Variants in SEMA3E observed in about 807,000 individuals in gnomAD.
SEMA3E encodes the protein semaphorin-3E.
In SEMA3E, 49 loss-of-function variants were observed where a neutral mutation model predicts 93.6. The ratio of observed to expected loss-of-function variants is 0.52; its 90% confidence interval spans 0.42 to 0.66. SEMA3E has a LOEUF of 0.66. SEMA3E is among the 30% of genes least tolerant of loss of function. SEMA3E has a pLI of 0.00. For missense variants in SEMA3E, 906 were observed against 964.8 expected, an observed-to-expected ratio of 0.94 and a Z score of 0.81; for synonymous variants, 363 against 330.7, an observed-to-expected ratio of 1.10 and a Z score of -1.06.
intron 1 of SEMA3E, among the ~76,000 whole-genome samples, chr7:83,581,401 G>A (rs556028952): frequency 6.6e-6 from 1 of 152,094 alleles, no homozygotes; most frequent in East Asian, 1.9e-4. Context: ...GCAAGAACAA[G>A]GAAGTGAACT....
chr7:83,515,434 A>G (rs1051272925), intron 1 of SEMA3E, among the ~76,000 whole-genome samples: 22 of 152,142 alleles, frequency 1.4e-4, no homozygotes, highest in African/African-American at 5.3e-4. Context: ...GCAGAAAATG[A>G]TACTGATTTT....
chr7:83,586,223 A>G (rs1792623837), intron 1 of SEMA3E, among the ~76,000 whole-genome samples: 3 of 152,192 alleles, frequency 2.0e-5, no homozygotes, highest in Non-Finnish European at 4.4e-5. Context: ...CTCAAATTGT[A>G]TATATTACAG....
chr7:83,608,447 T>C (rs1793173378), intron 1 of SEMA3E, among the ~76,000 whole-genome samples: 1 of 152,118 alleles, frequency 6.6e-6, no homozygotes, highest in African/African-American at 2.4e-5. Flanking sequence ...ACTACTTTTC[T>C]TTTTTTCATG....
At position 83,648,945 on chromosome 7, in the gene SEMA3E, AG is replaced by A; in HGVS notation, c.-404del. 5.0e-6 allele frequency: 1 copy of A among 199,040 alleles called. No individual in the cohort carries two copies. The highest frequency in any genetic ancestry group is 1.0e-5 in the Non-Finnish European group (1 of 96,156). The allele number at this position is 199,040 out of a possible 1,614,324, so 12.3% of individuals were successfully genotyped here. On this transcript the variant is annotated 5_prime_UTR_variant, in exon 1 of 17. Coordinates refer to ENST00000643230, the MANE Select transcript of SEMA3E (RefSeq NM_012431.3). ...GCACACGCACTCCCTTCTCCCGTGG[AG>A]GTCCTCTCTTCGGGCTCCTGGAAGC...
At chr7:83,560,206 T>C (rs1398081105) in intron 1 of SEMA3E, among the ~76,000 whole-genome samples, 1 of 152,120 alleles carries the variant, frequency 6.6e-6, no homozygotes, top group East Asian at 1.9e-4. Flanking sequence ...AACCCTAATG[T>C]AAACTATGAA....
chr7:83,554,890 T>C (rs977138756), intron 1 of SEMA3E, among the ~76,000 whole-genome samples: 9 of 152,000 alleles, frequency 5.9e-5, no homozygotes, highest in African/African-American at 2.2e-4. Context: ...GGCAGGAGAA[T>C]GGCGTGAACC....
At chr7:83,426,113 A>G (rs1272861372) in intron 4 of SEMA3E, among the ~76,000 whole-genome samples, 1 of 152,182 alleles carries the variant, frequency 6.6e-6, no homozygotes, top group Non-Finnish European at 1.5e-5. Flanking sequence ...GAACACATAC[A>G]CTGCCAGTGG....
chr7:83,417,002 C>CAA (rs1788557206), intron 5 of SEMA3E, among the ~76,000 whole-genome samples: 1 of 66,170 alleles, frequency 1.5e-5, no homozygotes, highest in Non-Finnish European at 4.5e-5. Flanking sequence ...CACACACACA[C>CAA]ACACACACAC....
At chr7:83,526,100 C>G (rs1001617308) in intron 1 of SEMA3E, among the ~76,000 whole-genome samples, 3 of 152,172 alleles carry the variant, frequency 2.0e-5, no homozygotes, top group Non-Finnish European at 2.9e-5. Flanking sequence ...CTCAATAGAA[C>G]TGGCATGAAT....
At chr7:83,443,228 G>A (rs995954925) in intron 4 of SEMA3E, among the ~76,000 whole-genome samples, 1 of 152,188 alleles carries the variant, frequency 6.6e-6, no homozygotes, top group African/African-American at 2.4e-5. Flanking sequence ...GTATTGGATT[G>A]AAGAAGGGAC....
chr7:83,639,830 A>G lies in SEMA3E; in HGVS notation c.115+8598T>C, dbSNP rs190537807. Among the ~76,000 whole-genome samples, 25 of 152,050 alleles carry G rather than the reference A, an allele frequency of 1.6e-4. No individual in the cohort carries two copies. In the East Asian group the frequency reaches 3.5e-3, roughly 21 times the overall value. On this transcript the variant is annotated intron_variant, in intron 1 of 16. Transcript: ENST00000643230. ...GTCTATACCCTTTCCACTACAGCAT[A>G]CTATCTCCTAATACAAGTTTCAGAA...
intron 13 of SEMA3E, 115 bp from the exon 14 acceptor site, chr7:83,392,836 A>G: frequency 1.0e-6 from 1 of 971,238 alleles, no homozygotes; most frequent in South Asian, 1.4e-5. Context: ...CTTAAATTTA[A>G]TTCACTTAAA....
In SEMA3E at chr7:83,367,947, G is replaced by T; in HGVS notation, c.1967C>A (p.Thr656Lys). 6.2e-7 allele frequency: 1 copy of T among 1,613,216 alleles called. No homozygotes were observed. The highest frequency in any genetic ancestry group is 8.5e-7 in the Non-Finnish European group (1 of 1,179,674). ...CGTATGGACAAAGCTATGCTCTACT[G>T]TCTGGCAAAAATAGGTCCCAGCATC... is the stretch of plus-strand genomic sequence containing the variant. Reference protein sequence around the residue: ...KSDAGTYFCQTVEHSFVHTVR... With the variant: ...KSDAGTYFCQKVEHSFVHTVR... Residue 656 changes from threonine to lysine, a missense_variant, in exon 17 of 17, where the codon ACA (threonine) becomes AAA (lysine). Transcript: ENST00000643230.
chr7:83,531,948 A>G (rs561312337), intron 1 of SEMA3E, among the ~76,000 whole-genome samples: 50 of 152,286 alleles, frequency 3.3e-4, no homozygotes, highest in Admixed American at 2.0e-3. Context: ...ACTATTCCAT[A>G]TGGGAATCAT....
At chr7:83,443,844 T>G (rs551624607) in intron 4 of SEMA3E, among the ~76,000 whole-genome samples, 19 of 151,828 alleles carry the variant, frequency 1.3e-4, no homozygotes, top group Middle Eastern at 3.4e-3. Context: ...CAACAACTAT[T>G]TAAGGGTCTA....
chr7:83,538,707 ATTG>A (rs763046449), intron 1 of SEMA3E, among the ~76,000 whole-genome samples: 18 of 152,340 alleles, frequency 1.2e-4, no homozygotes, highest in Non-Finnish European at 1.8e-4. Context: ...ATTATGTTAT[ATTG>A]TTGTTGTTTG....
Position 83,406,155 on chromosome 7 carries a change from CTTT to C in SEMA3E, c.814-99_814-97del, listed in dbSNP as rs925208704. 1.1e-5 allele frequency: 10 copies of C among 886,846 alleles called. No individual in the cohort carries two copies. The African/African-American group carries it at 1.5e-4, about 13-fold the overall frequency. 54.9% of individuals were successfully genotyped at this position (886,846 alleles called of 1,614,324 possible). A position where few individuals can be genotyped will look rare whatever the true frequency, so the allele number is the denominator to read the frequency against. ...AACATGCAGTTGCCAAGAGTTATGA[CTTT>C]TTTATTTAACTAGGAAAATTTGGCA... On this transcript the variant is annotated intron_variant, in intron 7 of 16. Transcript: ENST00000643230.
intron 4 of SEMA3E, among the ~76,000 whole-genome samples, chr7:83,444,396 TAG>T (rs1424771382): frequency 6.6e-6 from 1 of 152,152 alleles, no homozygotes; most frequent in Non-Finnish European, 1.5e-5. Flanking sequence ...CCTGAATGTG[TAG>T]AGTTTTATTT....
At position 83,504,654 on chromosome 7, in the gene SEMA3E, T is replaced by C. The variant is rs1430419539; in HGVS notation, c.116-14380A>G. ...GTGACTAAGCTGCTAACCAAATTCT[T>C]CTTCTGTTTTCCTTTTCTGGCAATT... On this transcript the variant is annotated intron_variant, in intron 1 of 16. Coordinates refer to ENST00000643230, the MANE Select transcript of SEMA3E (RefSeq NM_012431.3). Among the ~76,000 whole-genome samples the C allele has an allele frequency of 2.6e-5, 4 of 152,190 alleles. 1 individual carries two copies. The highest frequency in any genetic ancestry group is 5.9e-5 in the Non-Finnish European group (4 of 68,022).
Sources: allele counts gnomAD v4.1 joint callset (sites outside exome capture counted in the v4.1 genomes callset), GRCh38; gene constraint gnomAD v4.1.1; transcripts MANE v1.5; gene names NCBI Gene and HGNC (gene_info 2026-07-23, HGNC 2026-07-21).